The following MACROD2 variants were observed in gnomAD, a reference collection of about 807,000 sequenced individuals.
MACROD2 encodes the protein ADP-ribose glycohydrolase MACROD2.
A neutral mutation model predicts 70.4 loss-of-function variants in MACROD2; 36 were observed. The ratio of observed to expected loss-of-function variants is 0.51; its 90% confidence interval spans 0.39 to 0.68. MACROD2 has a LOEUF of 0.68. MACROD2 is among the 30% of genes least tolerant of loss of function. The probability of loss-of-function intolerance (pLI) is 0.00; values close to 1 mark genes in which losing one functional copy is unlikely to be tolerated. For missense variants in MACROD2, 496 were observed against 538.4 expected (o/e 0.92, Z 0.78); for synonymous variants, 172 against 178.8 (o/e 0.96, Z 0.30).
intron 5 of MACROD2, among the ~76,000 whole-genome samples, chr20:14,935,912 A>G (rs940597223): frequency 6.6e-6 from 1 of 152,128 alleles, no homozygotes; most frequent in African/African-American, 2.4e-5. Flanking sequence ...ATTTTACTGG[A>G]TTTGAATCAT....
At chr20:15,339,321 A>G (rs544052489) in intron 6 of MACROD2, among the ~76,000 whole-genome samples, 2 of 151,938 alleles carry the variant, frequency 1.3e-5, no homozygotes, top group Non-Finnish European at 2.9e-5. Flanking sequence ...GGCAGAAATA[A>G]AAGTATTGAC....
chr20:14,198,154 G>A (rs2081448831), intron 3 of MACROD2, among the ~76,000 whole-genome samples: 1 of 151,856 alleles, frequency 6.6e-6, no homozygotes, highest in African/African-American at 2.4e-5. Context: ...GAGGGGAGAA[G>A]CGAGAAAGAG....
chr20:14,765,370 T>C (rs1264829917), intron 5 of MACROD2, among the ~76,000 whole-genome samples: 1 of 92,430 alleles, frequency 1.1e-5, no homozygotes, highest in Admixed American at 1.0e-4. Flanking sequence ...TTCTGCCATA[T>C]TCCTGCCATT....
chr20:14,918,825 A>G (rs986462800), intron 5 of MACROD2, among the ~76,000 whole-genome samples: 4 of 152,144 alleles, frequency 2.6e-5, no homozygotes, highest in African/African-American at 9.7e-5. Context: ...CTCACAACAT[A>G]TCACTGATGT....
chr20:15,301,278 G>T (rs1284329521), intron 6 of MACROD2, among the ~76,000 whole-genome samples: 1 of 152,178 alleles, frequency 6.6e-6, no homozygotes, highest in Non-Finnish European at 1.5e-5. Flanking sequence ...TGGGACCAGA[G>T]AGCAGTTACC....
chr20:15,901,751 A>C (rs1231857210), intron 10 of MACROD2, among the ~76,000 whole-genome samples: 2 of 152,178 alleles, frequency 1.3e-5, no homozygotes, highest in African/African-American at 2.4e-5. Flanking sequence ...AACTGTCTCT[A>C]AAACTTTAAG....
chr20:15,767,522 A>G (rs1290852424), intron 8 of MACROD2, among the ~76,000 whole-genome samples: 1 of 152,162 alleles, frequency 6.6e-6, no homozygotes, highest in Non-Finnish European at 1.5e-5. Context: ...TTAAATGAAG[A>G]AAGACTTGTT....
chr20:14,214,377 C>T (rs992057557), intron 3 of MACROD2, among the ~76,000 whole-genome samples: 1 of 152,108 alleles, frequency 6.6e-6, no homozygotes, highest in Non-Finnish European at 1.5e-5. Flanking sequence ...TCCCCCTGCT[C>T]ATGTAAATTA....
intron 8 of MACROD2, among the ~76,000 whole-genome samples, chr20:15,818,769 C>T (rs898398382): frequency 6.6e-6 from 1 of 152,138 alleles, no homozygotes; most frequent in African/African-American, 2.4e-5. Flanking sequence ...TGATATGCTC[C>T]TGGAGCCAGT....
At chr20:15,413,644 G>T (rs1416625178) in intron 6 of MACROD2, among the ~76,000 whole-genome samples, 1 of 152,150 alleles carries the variant, frequency 6.6e-6, no homozygotes, top group East Asian at 1.9e-4. Flanking sequence ...AAAATTGTAA[G>T]TTATCTGGTG....
At chr20:15,352,219 C>T (rs1334240146) in intron 6 of MACROD2, among the ~76,000 whole-genome samples, 1 of 152,126 alleles carries the variant, frequency 6.6e-6, no homozygotes, top group Non-Finnish European at 1.5e-5. Context: ...CTTTACAGGA[C>T]TTGCAAGACC....
intron 8 of MACROD2, among the ~76,000 whole-genome samples, chr20:15,528,783 AG>A: frequency 6.6e-6 from 1 of 151,998 alleles, no homozygotes; most frequent in East Asian, 1.9e-4. Context: ...TTGAAGAAGA[AG>A]AAGCAAATGC....
At position 14,809,127 on chromosome 20, in the gene MACROD2, A is replaced by G. The variant is rs553114204; in HGVS notation, c.418+124168A>G. ...ATTCTCCACCCCAAATCAACAGAATATACATTCTTCTCAGTACCACATAGC... is the reference window on the plus strand; with the variant it reads ...ATTCTCCACCCCAAATCAACAGAATGTACATTCTTCTCAGTACCACATAGC... On this transcript the variant is annotated intron_variant, in intron 5 of 17. Transcript: ENST00000684519. Among the ~76,000 whole-genome samples, 4 of 152,266 alleles carry G rather than the reference A, an allele frequency of 2.6e-5. No homozygotes were observed. The South Asian group carries it at 8.3e-4, about 32-fold the overall frequency.
intron 6 of MACROD2, among the ~76,000 whole-genome samples, chr20:15,373,800 T>G (rs1461642222): frequency 6.6e-6 from 1 of 152,232 alleles, no homozygotes; most frequent in East Asian, 1.9e-4. Context: ...TTTTTGAACT[T>G]GAGTCCTCCA....
rs376294316 is a variant in MACROD2, at chr20:14,125,913, A to T, written c.271+40185A>T. Among the ~76,000 whole-genome samples the T allele has an allele frequency of 8.1e-4, 124 of 152,328 alleles. 1 individual carries two copies. The highest frequency in any genetic ancestry group is 2.8e-3 in the African/African-American group (118 of 41,576). The stretch of plus-strand genomic sequence containing the variant: ...TGAATTAAACTAGAATAACTTCTAG[A>T]AACCAATGAAGAACTTCTGAAATAT... On this transcript the variant is annotated intron_variant, in intron 3 of 17. Coordinates refer to ENST00000684519, the MANE Select transcript of MACROD2 (RefSeq NM_001351661.2).
chr20:15,243,183 A>T (rs1170141681), intron 6 of MACROD2, among the ~76,000 whole-genome samples: 1 of 152,138 alleles, frequency 6.6e-6, no homozygotes, highest in African/African-American at 2.4e-5. Context: ...TCTTCTGGCA[A>T]CATCCCTTGA....
intron 6 of MACROD2, among the ~76,000 whole-genome samples, chr20:15,367,212 G>A (rs1047376995): frequency 6.6e-6 from 1 of 151,776 alleles, no homozygotes; most frequent in African/African-American, 2.4e-5. Context: ...ATTTTTAGTA[G>A]AGACAGGGTT....
intron 8 of MACROD2, among the ~76,000 whole-genome samples, chr20:15,578,407 A>T (rs1428170247): frequency 6.6e-6 from 1 of 152,210 alleles, no homozygotes. Flanking sequence ...TAAGGAAGAT[A>T]GTAATAGTGC....
At chr20:15,163,491 A>G (rs2145877593) in intron 5 of MACROD2, among the ~76,000 whole-genome samples, 1 of 152,212 alleles carries the variant, frequency 6.6e-6, no homozygotes, top group Non-Finnish European at 1.5e-5. Flanking sequence ...ACAAATTAGA[A>G]GCTTTGAATA....
Sources: allele counts gnomAD v4.1 joint callset (sites outside exome capture counted in the v4.1 genomes callset), GRCh38; gene constraint gnomAD v4.1.1; transcripts MANE v1.5; gene names NCBI Gene and HGNC (gene_info 2026-07-23, HGNC 2026-07-21).